The following CCDC141 variants were observed in gnomAD, a reference collection of about 807,000 sequenced individuals.
The protein encoded by CCDC141 is coiled-coil domain-containing protein 141.
CCDC141 carries 168 observed loss-of-function variants against 181.0 expected under a neutral mutation model. The observed-to-expected ratio is 0.93, with a 90% CI of 0.82 to 1.05. The LOEUF (loss-of-function observed/expected upper bound fraction) is 1.05. Ranked by LOEUF, CCDC141 falls within the 50% of genes least tolerant of loss-of-function variation. CCDC141 has a pLI of 0.00. For synonymous variants in CCDC141, 666 were observed against 642.3 expected (o/e 1.04, Z -0.56); for missense variants, 1,902 against 1,788.5 (o/e 1.06, Z -1.14).
At chr2:179,009,645 A>C (rs372217816) in intron 2 of CCDC141, among the ~76,000 whole-genome samples, 9 of 121,290 alleles carry the variant, frequency 7.4e-5, no homozygotes, top group Admixed American at 3.1e-4. Flanking sequence ...CTTAGATACC[A>C]GCACCTGTTC....
chr2:178,971,345 G>A (rs1473761652), intron 4 of CCDC141, among the ~76,000 whole-genome samples: 1 of 152,232 alleles, frequency 6.6e-6, no homozygotes, highest in East Asian at 1.9e-4. Flanking sequence ...GGTCATTAGA[G>A]AAATGCAAAT....
intron 5 of CCDC141, among the ~76,000 whole-genome samples, chr2:178,953,536 T>C (rs1428510526): frequency 6.6e-6 from 1 of 152,156 alleles, no homozygotes; most frequent in Non-Finnish European, 1.5e-5. Flanking sequence ...ATATGAAAGA[T>C]ACACTCAAGA....
At chr2:178,956,916 G>A in intron 5 of CCDC141, among the ~76,000 whole-genome samples, 1 of 151,134 alleles carries the variant, frequency 6.6e-6, no homozygotes, top group Non-Finnish European at 1.5e-5. Context: ...TTTTGTTCGT[G>A]TTGCCCGGAC....
chr2:178,881,489 C>G (rs1443842372), intron 11 of CCDC141, among the ~76,000 whole-genome samples: 3 of 152,082 alleles, frequency 2.0e-5, no homozygotes, highest in Non-Finnish European at 4.4e-5. Context: ...ATAAATACGG[C>G]AGAAAGATTA....
At chr2:179,038,450 A>G (rs2043203494) in intron 2 of CCDC141, among the ~76,000 whole-genome samples, 1 of 152,198 alleles carries the variant, frequency 6.6e-6, no homozygotes, top group African/African-American at 2.4e-5. Context: ...ATGGTTGCAC[A>G]ACATTGTGAA....
the CCDC141 span, among the ~76,000 whole-genome samples, chr2:178,822,151 G>T: frequency 0.16 from 23,635 of 151,056 alleles, 3,508 homozygotes; most frequent in East Asian, 0.72. Context: ...GCAAACTATC[G>T]CAAGGACAAA....
At chr2:179,026,127 G>A (rs113415181) in intron 2 of CCDC141, among the ~76,000 whole-genome samples, 5,070 of 152,328 alleles carry the variant, frequency 0.033, 97 homozygotes, top group South Asian at 0.058. Flanking sequence ...CAAGCTGGCT[G>A]TAGAAATTTG....
At position 178,944,624 on chromosome 2, in the gene CCDC141, TTA is replaced by T; in HGVS notation, c.806_807del (p.Ile269LysfsTer16). 1 of 1,525,332 alleles carries T rather than the reference TTA, an allele frequency of 6.6e-7. No individual in the cohort carries two copies. Among genetic ancestry groups the T allele is most frequent in the East Asian group, 2.5e-5 (1 of 40,428 alleles). 94.5% of individuals were successfully genotyped at this position (1,525,332 alleles called of 1,614,324 possible). Reference sequence around the variant, plus strand: ...CCTAGACTTTGTTCCTGTAAATTTCTTATAGTTTTCTGAAACCAACAAGTAAC... The same window carrying T: ...CCTAGACTTTGTTCCTGTAAATTTCTTAGTTTTCTGAAACCAACAAGTAAC... ...NQVTCWFQKT[I>X]RNLQEQSLGS... On this transcript the variant is annotated frameshift_variant, in exon 6 of 24. Coordinates refer to ENST00000443758, the MANE Select transcript of CCDC141 (RefSeq NM_173648.4). LOFTEE classifies it high-confidence loss of function.
chr2:178,962,384 T>C (rs1399465360), intron 4 of CCDC141, among the ~76,000 whole-genome samples: 1 of 152,156 alleles, frequency 6.6e-6, no homozygotes, highest in Non-Finnish European at 1.5e-5. Flanking sequence ...ATCCCTCTCC[T>C]TCATCCCGCC....
intron 8 of CCDC141, among the ~76,000 whole-genome samples, chr2:178,899,658 C>T (rs1428604892): frequency 6.6e-6 from 1 of 151,906 alleles, no homozygotes; most frequent in East Asian, 1.9e-4. Flanking sequence ...GTAATAGGAA[C>T]CTTAATAAAC....
At chr2:178,834,739 GTTTTTTA>G (rs1332676084) in intron 23 of CCDC141, among the ~76,000 whole-genome samples, 2 of 151,514 alleles carry the variant, frequency 1.3e-5, no homozygotes, top group African/African-American at 2.4e-5. Context: ...TGCAGGCTAA[GTTTTTTA>G]TTTTTTATTT....
Position 178,981,703 on chromosome 2 carries a change from A to AGAG in CCDC141, c.226-3029_226-3028insCTC, listed in dbSNP as rs1559024903. ...ATATATAGAGAGAGAGAGAGAGAGA[A>AGAG]AAAAAAACCTAAATCAGTCTTCTGA... On this transcript the variant is annotated intron_variant, in intron 2 of 23. Transcript: ENST00000443758. Among the ~76,000 whole-genome samples the AGAG allele has an allele frequency of 1.1e-3, 123 of 108,802 alleles. 1 individual carries two copies. The highest frequency in any genetic ancestry group is 3.5e-3 in the African/African-American group (103 of 29,098). The allele number at this position is 108,802 out of a possible 152,430, so 71.4% of individuals were successfully genotyped here.
At chr2:178,904,205 G>T (rs1158029272) in intron 8 of CCDC141, among the ~76,000 whole-genome samples, 1 of 152,128 alleles carries the variant, frequency 6.6e-6, no homozygotes, top group Non-Finnish European at 1.5e-5. Context: ...AGTAAAAAAC[G>T]TAGTTATTCA....
chr2:178,939,563 T>C (rs1356503118), intron 6 of CCDC141, among the ~76,000 whole-genome samples: 1 of 152,104 alleles, frequency 6.6e-6, no homozygotes, highest in Non-Finnish European at 1.5e-5. Flanking sequence ...CAGGATCCCA[T>C]GGAAATCTAA....
At chr2:178,848,977 A>G (rs1393267718) in intron 21 of CCDC141, among the ~76,000 whole-genome samples, 1 of 152,206 alleles carries the variant, frequency 6.6e-6, no homozygotes, top group Non-Finnish European at 1.5e-5. Context: ...AGAAAAAGCT[A>G]TGCACGAAGA....
intron 2 of CCDC141, among the ~76,000 whole-genome samples, chr2:178,981,344 G>T (rs1380713373): frequency 3.3e-5 from 5 of 151,206 alleles, no homozygotes; most frequent in African/African-American, 1.2e-4. Flanking sequence ...CCATATCCTG[G>T]GCCATAAAAC....
chr2:178,958,393 C>A (rs1287009442), intron 5 of CCDC141, among the ~76,000 whole-genome samples: 2 of 151,958 alleles, frequency 1.3e-5, no homozygotes, highest in Non-Finnish European at 2.9e-5. Context: ...AGGGAAACTG[C>A]AGGTATGGGG....
intron 8 of CCDC141, 133 bp downstream of exon 8, chr2:178,905,196 G>T: frequency 1.3e-6 from 1 of 791,326 alleles, no homozygotes; most frequent in South Asian, 2.0e-5. Context: ...AACTTCAATA[G>T]ATCCTTTTAA....
At chr2:178,855,588 T>C in intron 18 of CCDC141, 47 bp from the exon 19 acceptor site, 1 of 1,345,880 alleles carries the variant, frequency 7.4e-7, no homozygotes. Context: ...AATTTGTATT[T>C]ATGATGCTAG....
Sources: gnomAD v4.1 joint callset for allele counts (sites outside exome capture counted in the v4.1 genomes callset) on GRCh38, gnomAD v4.1.1 for gene constraint, MANE v1.5 for transcripts, NCBI Gene and HGNC (gene_info 2026-07-23, HGNC 2026-07-21) for gene names.